VPS53: variants seen among roughly 807,000 people sequenced by gnomAD.
VPS53 encodes vacuolar protein sorting-associated protein 53 homolog.
A neutral mutation model predicts 107.0 loss-of-function variants in VPS53; 70 were observed. The observed-to-expected ratio is 0.65, with a 90% confidence interval of 0.54 to 0.80. The LOEUF (loss-of-function observed/expected upper bound fraction) is 0.80. VPS53 is among the 30% of genes least tolerant of loss of function. VPS53 has a pLI of 0.00. For synonymous variants in VPS53, 409 were observed against 393.3 expected, an observed-to-expected ratio of 1.04 and a Z score of -0.47; for missense variants, 917 against 1,049.4, an observed-to-expected ratio of 0.87 and a Z score of 1.74.
Position 512,619 on chromosome 17 carries a change from T to TG in VPS53, c.*6508dup, listed in dbSNP as rs915263379. The stretch of plus-strand genomic sequence containing the variant: ...TGATCCCTTGGCTTCCCTAGTAAAG[T>TG]GGGGAGCTGTTGAAAAGAAAGAATG... On this transcript the variant is annotated 3_prime_UTR_variant, in exon 22 of 22. Transcript: ENST00000437048. The TG allele has an allele frequency of 1.3e-5, 2 of 152,054 alleles. No individual in the cohort carries two copies. The highest frequency in any genetic ancestry group is 2.9e-5 in the Non-Finnish European group (2 of 68,008). The allele number at this position is 152,054 out of a possible 1,614,324, so 9.4% of individuals were successfully genotyped here.
intron 12 of VPS53, among the ~76,000 whole-genome samples, chr17:591,804 A>C (rs541058049): frequency 5.9e-5 from 9 of 152,224 alleles, no homozygotes; most frequent in Middle Eastern, 3.4e-3. Flanking sequence ...CTATGTGGTC[A>C]ATTTTGGAAT....
intron 9 of VPS53, 139 bp downstream of exon 9, chr17:627,949 C>G (rs1227238144): frequency 2.5e-6 from 2 of 803,192 alleles, no homozygotes; most frequent in East Asian, 5.8e-5. Flanking sequence ...ACTATAAACT[C>G]AGCCCCTAGG....
Position 699,329 on chromosome 17 carries a change from A to C in VPS53, c.218+2T>G. 1 of 1,572,972 alleles carries C rather than the reference A, an allele frequency of 6.4e-7. No homozygotes were observed. Among genetic ancestry groups the C allele is most frequent in the Non-Finnish European group, 8.6e-7 (1 of 1,165,066 alleles). ...TATGAACAATCACACAGCTTTACTC[A>C]CCTTATTTTCAGCCTAATTTTGTTC... On this transcript the variant is annotated splice_donor_variant, in intron 3 of 21. Coordinates refer to ENST00000437048, the MANE Select transcript of VPS53 (RefSeq NM_001128159.3). LOFTEE classifies it high-confidence loss of function.
At chr17:575,995 A>G (rs1914570931) in intron 13 of VPS53, among the ~76,000 whole-genome samples, 1 of 151,322 alleles carries the variant, frequency 6.6e-6, no homozygotes, top group Non-Finnish European at 1.5e-5. Context: ...TTCGCAGAGA[A>G]CCTCCCTCAG....
intron 1 of VPS53, among the ~76,000 whole-genome samples, chr17:711,072 T>C (rs993002918): frequency 1.5e-4 from 23 of 152,284 alleles, no homozygotes; most frequent in African/African-American, 5.5e-4. Context: ...CTGGGTGCCA[T>C]GGCACATGCC....
intron 13 of VPS53, 46 bp from the exon 14 acceptor site, chr17:562,791 A>G (rs1375529576): frequency 6.3e-7 from 1 of 1,582,866 alleles, no homozygotes; most frequent in Non-Finnish European, 8.6e-7. Flanking sequence ...ACTTCAAGAA[A>G]AGTAAAGCAA....
intron 15 of VPS53, among the ~76,000 whole-genome samples, chr17:557,483 A>G (rs1043844897): frequency 3.7e-4 from 56 of 152,228 alleles, no homozygotes; most frequent in African/African-American, 9.9e-4. Context: ...TCAACCCACT[A>G]TATCTCCCTG....
chr17:519,231 G>A lies in VPS53; in HGVS notation c.2396C>T (p.Ser799Leu), dbSNP rs573812629. 310 of 1,548,954 alleles carry A rather than the reference G, an allele frequency of 2.0e-4. 2 individuals are homozygous for A. In the South Asian group the frequency reaches 3.2e-3, roughly 16 times the overall value. ...CAGTGAGCCGGAGCTTTCTGCCCCC[G>A]AGGGCGGTGCGGGGAGCCGCTGGCG... is the stretch of plus-strand genomic sequence containing the variant. ...LLRQRLPAPP[S>L]GAESSGSLSL... The change falls in exon 22 of 22, where the codon TCG becomes TTG. Residue 799 changes from serine to leucine, a missense_variant. By Grantham distance (145) the Ser-to-Leu change is moderately radical. Transcript: ENST00000437048. The surrounding 1 kb of genome is among the most constrained non-coding windows in gnomAD (Gnocchi z 5.0).
At chr17:604,125 G>A (rs1459987031) in intron 11 of VPS53, among the ~76,000 whole-genome samples, 2 of 152,156 alleles carry the variant, frequency 1.3e-5, no homozygotes, top group Non-Finnish European at 2.9e-5. Context: ...GTTGATAACA[G>A]CACCTCACAA....
intron 12 of VPS53, among the ~76,000 whole-genome samples, chr17:586,701 A>G (rs1391900914): frequency 6.6e-6 from 1 of 152,250 alleles, no homozygotes; most frequent in African/African-American, 2.4e-5. Context: ...AGTGCTTTAG[A>G]ATTTAAAAAG....
chr17:587,886 A>G lies in VPS53; in HGVS notation c.1219-1522T>C, dbSNP rs971731860. Among the ~76,000 whole-genome samples, 8 of 152,178 alleles carry G rather than the reference A, an allele frequency of 5.3e-5. No homozygotes were observed. In the East Asian group the frequency reaches 1.5e-3, roughly 29 times the overall value. On this transcript the variant is annotated intron_variant, in intron 12 of 21. Coordinates refer to ENST00000437048, the MANE Select transcript of VPS53 (RefSeq NM_001128159.3). ...ATGATTGACATTTTAAAAGCCCTAC[A>G]TAATTAATGTATACATCTTGATGCG...
chr17:594,653 G>C (rs1202392284), intron 12 of VPS53, among the ~76,000 whole-genome samples: 7 of 140,656 alleles, frequency 5.0e-5, no homozygotes, highest in African/African-American at 8.1e-5. Flanking sequence ...TCAATTTCCT[G>C]ATTTGATGAT....
Position 566,067 on chromosome 17 carries a change from A to G in VPS53, c.1314-3322T>C, listed in dbSNP as rs990128601. On this transcript the variant is annotated intron_variant, in intron 13 of 21. Transcript: ENST00000437048. ...AAATACAAAAAAATTAGCCAGGCGT[A>G]GTGGCGGGCGCCTGTAGTCCCAGCT... 4.0e-5 allele frequency among the ~76,000 whole-genome samples: 6 copies of G among 150,756 alleles called. No homozygotes were observed. In the South Asian group the frequency reaches 8.4e-4, roughly 21 times the overall value.
At chr17:653,124 G>A (rs1387447706) in intron 7 of VPS53, 167 bp downstream of exon 7, 14 of 985,152 alleles carry the variant, frequency 1.4e-5, no homozygotes, top group African/African-American at 1.7e-5. Context: ...GAAAGCTGCC[G>A]GATCTGTGGA....
At chr17:671,121 C>T (rs1178860788) in intron 4 of VPS53, among the ~76,000 whole-genome samples, 1 of 152,058 alleles carries the variant, frequency 6.6e-6, no homozygotes, top group Non-Finnish European at 1.5e-5. Context: ...ATCCCAGCTA[C>T]TGGGGAGGAT....
intron 4 of VPS53, among the ~76,000 whole-genome samples, chr17:664,140 G>A (rs903777656): frequency 9.9e-5 from 15 of 152,034 alleles, no homozygotes; most frequent in African/African-American, 2.4e-4. Context: ...GTTAAGTGGC[G>A]TGATCTCAGC....
chr17:619,678 A>G (rs12941912), intron 11 of VPS53, among the ~76,000 whole-genome samples: 8 of 28,930 alleles, frequency 2.8e-4, no homozygotes, highest in Admixed American at 8.9e-4. Context: ...GCACCACCAC[A>G]CCCCGCTAAT....
intron 10 of VPS53, among the ~76,000 whole-genome samples, chr17:624,572 A>G (rs1236261145): frequency 6.6e-6 from 1 of 152,242 alleles, no homozygotes; most frequent in African/African-American, 2.4e-5. Flanking sequence ...TTATTTGAGA[A>G]TGATGTATCT....
chr17:566,836 C>T (rs1390377888), intron 13 of VPS53, among the ~76,000 whole-genome samples: 1 of 151,960 alleles, frequency 6.6e-6, no homozygotes, highest in African/African-American at 2.4e-5. Context: ...CTCTGCCTCC[C>T]GGGTTCAAGT....
Sources: allele counts gnomAD v4.1 joint callset (sites outside exome capture counted in the v4.1 genomes callset), GRCh38; gene constraint gnomAD v4.1.1; non-coding constraint Gnocchi (gnomAD v3.1); transcripts MANE v1.5; gene names NCBI Gene and HGNC (gene_info 2026-07-23, HGNC 2026-07-21).